Variants in ROBO1 observed in about 807,000 individuals in gnomAD.
ROBO1 encodes roundabout guidance receptor 1.
Under a neutral mutation model 195.9 loss-of-function variants are expected in ROBO1, and 149 were observed. The observed-to-expected ratio is 0.76, with a 90% CI of 0.67 to 0.87. ROBO1 has a LOEUF of 0.87. ROBO1 is among the 40% of genes least tolerant of loss of function. The pLI is 0.00. For missense variants in ROBO1, 1,933 were observed against 2,068.3 expected (o/e 0.93, Z 1.27); for synonymous variants, 816 against 733.2 (o/e 1.11, Z -1.82).
At chr3:78,685,612 T>C in intron 10 of ROBO1, 134 bp downstream of exon 10, 1 of 543,510 alleles carries the variant, frequency 1.8e-6, no homozygotes, top group South Asian at 3.5e-5. Context: ...ACTTATTCTA[T>C]CAACACCCTT....
chr3:78,779,254 A>T (rs1205724608), intron 4 of ROBO1, among the ~76,000 whole-genome samples: 1 of 152,182 alleles, frequency 6.6e-6, no homozygotes, highest in Non-Finnish European at 1.5e-5. Flanking sequence ...AAATTGACAA[A>T]TAGGATCTAA....
chr3:79,323,938 A>G (rs1473873774), intron 2 of ROBO1, among the ~76,000 whole-genome samples: 1 of 152,198 alleles, frequency 6.6e-6, no homozygotes, highest in Non-Finnish European at 1.5e-5. Flanking sequence ...TTGCTCAACT[A>G]CCATAATTCT....
intron 1 of ROBO1, among the ~76,000 whole-genome samples, chr3:79,714,961 C>T (rs1033001430): frequency 5.3e-5 from 8 of 151,536 alleles, no homozygotes; most frequent in African/African-American, 1.7e-4. Flanking sequence ...AACTAACCTG[C>T]ACATTGTGCA....
chr3:78,731,490 A>G (rs1003547134), intron 5 of ROBO1, among the ~76,000 whole-genome samples: 27 of 152,108 alleles, frequency 1.8e-4, no homozygotes, highest in African/African-American at 6.5e-4. Context: ...TGCATAGAAT[A>G]TATGTTCTGT....
chr3:79,108,749 T>C (rs1052966179), intron 3 of ROBO1, among the ~76,000 whole-genome samples: 4 of 151,862 alleles, frequency 2.6e-5, no homozygotes, highest in Non-Finnish European at 5.9e-5. Flanking sequence ...AGAACATATT[T>C]ATTAATGAGG....
chr3:78,657,494 T>A (rs1010136552), intron 17 of ROBO1, among the ~76,000 whole-genome samples: 3 of 152,218 alleles, frequency 2.0e-5, no homozygotes, highest in African/African-American at 4.8e-5. Context: ...CTTTCTCATA[T>A]ACTTTTAAAA....
intron 3 of ROBO1, among the ~76,000 whole-genome samples, chr3:79,071,218 T>A (rs1341359578): frequency 6.6e-6 from 1 of 151,896 alleles, no homozygotes; most frequent in Non-Finnish European, 1.5e-5. Context: ...TAATCTATCA[T>A]ACAGATTTTA....
At chr3:79,512,078 TTTAA>T (rs1241811574) in intron 2 of ROBO1, among the ~76,000 whole-genome samples, 2 of 142,358 alleles carry the variant, frequency 1.4e-5, no homozygotes, top group African/African-American at 5.6e-5. Flanking sequence ...CTGAACTTAA[TTTAA>T]TAAAAAGAAA....
chr3:79,479,663 A>T (rs762560387), intron 2 of ROBO1, among the ~76,000 whole-genome samples: 1 of 152,194 alleles, frequency 6.6e-6, no homozygotes, highest in Non-Finnish European at 1.5e-5. Context: ...GAAATCTACA[A>T]TATCAAAAAA....
intron 14 of ROBO1, among the ~76,000 whole-genome samples, chr3:78,665,634 C>A (rs529845316): frequency 6.6e-6 from 1 of 152,054 alleles, no homozygotes; most frequent in Non-Finnish European, 1.5e-5. Flanking sequence ...AGTCCAATAA[C>A]AGATTTTATG....
At chr3:78,867,087 T>C (rs1423888836) in intron 4 of ROBO1, among the ~76,000 whole-genome samples, 3 of 152,248 alleles carry the variant, frequency 2.0e-5, no homozygotes, top group African/African-American at 7.2e-5. Flanking sequence ...TTGAAGTTTC[T>C]GTTTATCCTG....
At chr3:79,746,571 A>C (rs1703885779) in intron 1 of ROBO1, among the ~76,000 whole-genome samples, 2 of 151,978 alleles carry the variant, frequency 1.3e-5, no homozygotes, top group Non-Finnish European at 2.9e-5. Flanking sequence ...TTTCTACCTC[A>C]CTTTTCCTGT....
intron 1 of ROBO1, among the ~76,000 whole-genome samples, chr3:79,722,671 C>T (rs1702754394): frequency 6.6e-6 from 1 of 152,180 alleles, no homozygotes; most frequent in Non-Finnish European, 1.5e-5. Flanking sequence ...ACTTAATCAG[C>T]AGTTGGTTTT....
At chr3:79,275,919 G>C (rs754554382) in intron 2 of ROBO1, among the ~76,000 whole-genome samples, 1 of 151,492 alleles carries the variant, frequency 6.6e-6, no homozygotes, top group Non-Finnish European at 1.5e-5. Context: ...AACCTAACCA[G>C]AGAAGTGAAA....
chr3:79,726,905 A>G (rs942992163), intron 1 of ROBO1, among the ~76,000 whole-genome samples: 3 of 152,174 alleles, frequency 2.0e-5, no homozygotes, highest in Non-Finnish European at 4.4e-5. Context: ...ATGCAAATTC[A>G]AAGAGCACTT....
chr3:79,728,695 A>G (rs1304702891), intron 1 of ROBO1, among the ~76,000 whole-genome samples: 1 of 152,168 alleles, frequency 6.6e-6, no homozygotes, highest in Non-Finnish European at 1.5e-5. Context: ...TTCTCTGGTT[A>G]ATTTTCAATA....
chr3:79,002,433 C>A (rs953241499), intron 3 of ROBO1, among the ~76,000 whole-genome samples: 5 of 152,038 alleles, frequency 3.3e-5, no homozygotes, highest in Middle Eastern at 3.4e-3. Flanking sequence ...TTAAATAATA[C>A]CTATAAGAAA....
chr3:78,791,577 C>T (rs925815425), intron 4 of ROBO1, among the ~76,000 whole-genome samples: 3 of 152,142 alleles, frequency 2.0e-5, no homozygotes, highest in Non-Finnish European at 4.4e-5. Context: ...TCTGGTATTA[C>T]ATTATTTCTT....
chr3:79,018,767 T>G (rs2078022433), intron 3 of ROBO1: 2 of 1,121,058 alleles, frequency 1.8e-6, no homozygotes, highest in African/African-American at 1.6e-5. Context: ...AGCGCAGTAG[T>G]GCCGTTTCCT....
Sources: allele counts gnomAD v4.1 joint callset (sites outside exome capture counted in the v4.1 genomes callset), GRCh38; gene constraint gnomAD v4.1.1; transcripts MANE v1.5; gene names NCBI Gene and HGNC (gene_info 2026-07-23, HGNC 2026-07-21).